TENT5C: variants seen among roughly 807,000 people sequenced by gnomAD.
The protein encoded by TENT5C is family with sequence similarity 46 member C.
TENT5C carries 5 observed loss-of-function variants against 22.2 expected under a neutral mutation model. The ratio of observed to expected loss-of-function variants is 0.22; its 90% CI spans 0.12 to 0.47. The LOEUF is 0.47. Among genes scored for constraint, TENT5C ranks in the 20% least tolerant of loss-of-function variants. The probability of loss-of-function intolerance (pLI) is 0.99; values close to 1 mark genes in which losing one functional copy is unlikely to be tolerated. For missense variants in TENT5C, 364 were observed against 500.9 expected (o/e 0.73, Z 2.61); for synonymous variants, 199 against 195.4 (o/e 1.02, Z -0.15).
rs1653868573 is a variant in TENT5C, at chr1:117,620,438, G to C, written c.-27-2404G>C. 1.3e-5 allele frequency among the ~76,000 whole-genome samples: 2 copies of C among 152,202 alleles called. 1 individual carries two copies. The highest frequency in any genetic ancestry group is 4.1e-4 in the South Asian group (2 of 4,828). ...ACAGGTGATTCACACTAGCAAGTGA[G>C]TTGTATTTCTTCAGGTAGACCAACA... On this transcript the variant is annotated intron_variant, in intron 1 of 1. Transcript: ENST00000369448.
intron 1 of TENT5C, among the ~76,000 whole-genome samples, chr1:117,614,427 G>T (rs556749124): frequency 6.6e-5 from 10 of 152,310 alleles, no homozygotes; most frequent in Admixed American, 2.6e-4. Context: ...CTACATGCAG[G>T]TGGGGGAAGT....
rs746800316 is a variant in TENT5C, at chr1:117,623,457, T to C, written c.589T>C (p.Cys197Arg). Reference protein sequence around the residue: ...ILDSLLFFYDCSNNPISEHFH... With the variant: ...ILDSLLFFYDRSNNPISEHFH... Reference sequence around the variant, plus strand: ...GGATTCTTTGCTTTTCTTCTATGACTGTTCCAATAATCCCATCTCTGAGCA... The same window carrying C: ...GGATTCTTTGCTTTTCTTCTATGACCGTTCCAATAATCCCATCTCTGAGCA... Residue 197 changes from cysteine to arginine, a missense_variant, in exon 2 of 2, where the codon TGT becomes CGT. By Grantham distance (180) the Cys-to-Arg change is radical. Transcript: ENST00000369448. 56 of 1,614,016 alleles carry C rather than the reference T, an allele frequency of 3.5e-5. 1 individual carries two copies. The South Asian group carries it at 5.8e-4, about 17-fold the overall frequency.
At chr1:117,608,201 T>G (rs1467564957) in intron 1 of TENT5C, among the ~76,000 whole-genome samples, 1 of 152,358 alleles carries the variant, frequency 6.6e-6, no homozygotes. Flanking sequence ...CGCTGTTTTT[T>G]CCACAATACC....
At chr1:117,610,568 G>A (rs571181463) in intron 1 of TENT5C, among the ~76,000 whole-genome samples, 11 of 152,198 alleles carry the variant, frequency 7.2e-5, no homozygotes, top group African/African-American at 2.2e-4. Flanking sequence ...TTACTCTGTC[G>A]CCAGGCTGGA....
At chr1:117,612,265 C>T (rs1425738074) in intron 1 of TENT5C, among the ~76,000 whole-genome samples, 1 of 151,366 alleles carries the variant, frequency 6.6e-6, no homozygotes, top group Non-Finnish European at 1.5e-5. Context: ...CAGTTATGGC[C>T]AACTTACTGA....
chr1:117,621,143 G>A (rs185304885), intron 1 of TENT5C, among the ~76,000 whole-genome samples: 67 of 152,120 alleles, frequency 4.4e-4, no homozygotes, highest in African/African-American at 1.6e-3. Context: ...ACTTTTTAAC[G>A]CTGTTCAGAG....
chr1:117,606,807 A>G (rs1653546595), intron 1 of TENT5C, among the ~76,000 whole-genome samples: 1 of 152,206 alleles, frequency 6.6e-6, no homozygotes, highest in Non-Finnish European at 1.5e-5. Flanking sequence ...TAATGCGCTC[A>G]CATCAGACTG....
rs2101082736 is a variant in TENT5C at position 117,627,608 on chromosome 1, CCTT to C, written c.*3567_*3569del. On this transcript the variant is annotated 3_prime_UTR_variant, in exon 2 of 2. Coordinates refer to ENST00000369448, the MANE Select transcript of TENT5C (RefSeq NM_017709.4). Reference sequence around the variant, plus strand: ...GACCAGGGCTCTGTGTCAGGGAAAACCTTCTGGGTGGACTTTGTAAGAATCCAG... The same window carrying C: ...GACCAGGGCTCTGTGTCAGGGAAAACCTGGGTGGACTTTGTAAGAATCCAG... 4.0e-6 allele frequency: 1 copy of C among 248,064 alleles called. No homozygotes were observed. Among genetic ancestry groups the C allele is most frequent in the African/African-American group, 2.2e-5 (1 of 45,434 alleles). The allele number at this position is 248,064 out of a possible 1,614,324, so 15.4% of individuals were successfully genotyped here.
rs1276729130 is a variant in TENT5C, at chr1:117,628,148, A to G, written c.*4104A>G. The G allele has an allele frequency of 4.0e-6, 1 of 247,970 alleles. No homozygotes were observed. The highest frequency in any genetic ancestry group is 8.5e-6 in the Non-Finnish European group (1 of 118,030). 15.4% of individuals were successfully genotyped at this position (247,970 alleles called of 1,614,324 possible). ...TAGCAACTTATTTCCAAATTAATAT[A>G]GATGAAAAATAGATACCAATTAGAC... On this transcript the variant is annotated 3_prime_UTR_variant, in exon 2 of 2. Coordinates refer to ENST00000369448, the MANE Select transcript of TENT5C (RefSeq NM_017709.4).
intron 1 of TENT5C, among the ~76,000 whole-genome samples, chr1:117,617,330 C>A (rs1285679066): frequency 2.0e-5 from 3 of 152,026 alleles, no homozygotes; most frequent in African/African-American, 7.2e-5. Flanking sequence ...CTTGGTTTAA[C>A]CTTCTGGCCT....
intron 1 of TENT5C, among the ~76,000 whole-genome samples, chr1:117,609,977 TC>T (rs1653630234): frequency 6.6e-6 from 1 of 152,048 alleles, no homozygotes; most frequent in South Asian, 2.1e-4. Flanking sequence ...CAGCTGAAAC[TC>T]CTCAAGCTGA....
chr1:117,622,348 TG>T (rs1653912033), intron 1 of TENT5C, among the ~76,000 whole-genome samples: 2 of 142,466 alleles, frequency 1.4e-5, no homozygotes, highest in Non-Finnish European at 3.0e-5. Flanking sequence ...TGTGTGTGTG[TG>T]TGTCTGTGTC....
At chr1:117,616,359 G>A (rs1219483986) in intron 1 of TENT5C, among the ~76,000 whole-genome samples, 1 of 152,206 alleles carries the variant, frequency 6.6e-6, no homozygotes, top group Non-Finnish European at 1.5e-5. Context: ...CTTGTTAAGG[G>A]AAGAAGTGGG....
Position 117,625,971 on chromosome 1 carries a change from T to C in TENT5C, c.*1927T>C, listed in dbSNP as rs1050714836. On this transcript the variant is annotated 3_prime_UTR_variant, in exon 2 of 2. Coordinates refer to ENST00000369448, the MANE Select transcript of TENT5C (RefSeq NM_017709.4). The stretch of plus-strand genomic sequence containing the variant: ...TTCTAATTGAGGGGACCCAGTGTGC[T>C]TCAGTGTTAAGAGTGGGGCAATGAA... 5.7e-5 allele frequency: 14 copies of C among 247,584 alleles called. No homozygotes were observed. The highest frequency in any genetic ancestry group is 8.5e-5 in the Non-Finnish European group (10 of 117,924). 15.3% of individuals were successfully genotyped at this position (247,584 alleles called of 1,614,324 possible).
intron 1 of TENT5C, among the ~76,000 whole-genome samples, chr1:117,608,212 T>G (rs1653586852): frequency 6.6e-6 from 1 of 152,172 alleles, no homozygotes; most frequent in South Asian, 2.1e-4. Context: ...CCACAATACC[T>G]ACCTTGTATC....
chr1:117,620,307 T>C (rs1653864960), intron 1 of TENT5C, among the ~76,000 whole-genome samples: 1 of 152,212 alleles, frequency 6.6e-6, no homozygotes, highest in African/African-American at 2.4e-5. Context: ...TTGCTGGAGA[T>C]TTTAAAAAAA....
rs1653968686 is a variant in TENT5C, at chr1:117,624,396, A to G, written c.*352A>G. On this transcript the variant is annotated 3_prime_UTR_variant, in exon 2 of 2. Transcript: ENST00000369448. ...GGGAGAATTTGGGCAGCGCGTGAGA[A>G]GTGCTAAGCTACTTGTTTTCTCACT... 1 of 288,632 alleles carries G rather than the reference A, an allele frequency of 3.5e-6. No homozygotes were observed. Among genetic ancestry groups the G allele is most frequent in the Admixed American group, 4.9e-5 (1 of 20,520 alleles). 17.9% of individuals were successfully genotyped at this position (288,632 alleles called of 1,614,324 possible).
chr1:117,628,318 A>C lies in TENT5C; in HGVS notation c.*4274A>C. The stretch of plus-strand genomic sequence containing the variant: ...ACTTGTCAATGCAAAATGTGTTAGA[A>C]CTTGATAAAGCTTTGAGTTTGAGAA... On this transcript the variant is annotated 3_prime_UTR_variant, in exon 2 of 2. Coordinates refer to ENST00000369448, the MANE Select transcript of TENT5C (RefSeq NM_017709.4). 4.1e-6 allele frequency: 1 copy of C among 246,000 alleles called. No homozygotes were observed. Among genetic ancestry groups the C allele is most frequent in the East Asian group, 6.2e-5 (1 of 16,240 alleles). The allele number at this position is 246,000 out of a possible 1,614,324, so 15.2% of individuals were successfully genotyped here. A position where few individuals can be genotyped will look rare whatever the true frequency, so the allele number is the denominator to read the frequency against.
rs555152244 is a variant in TENT5C, at chr1:117,625,105, G to GTT, written c.*1072_*1073dup. The GTT allele has an allele frequency of 4.4e-3, 980 of 220,448 alleles. 6 individuals are homozygous for GTT. The highest frequency in any genetic ancestry group is 0.019 in the South Asian group (97 of 5,064). The allele number at this position is 220,448 out of a possible 1,614,324, so 13.7% of individuals were successfully genotyped here. ...GCTATTTTTTGTTTTTGTTCTTTTCGTTTTTTTTTTTTCCAAAAATAGTGA... is the reference window on the plus strand; with the variant it reads ...GCTATTTTTTGTTTTTGTTCTTTTCGTTTTTTTTTTTTTTCCAAAAATAGTGA... On this transcript the variant is annotated 3_prime_UTR_variant, in exon 2 of 2. Coordinates refer to ENST00000369448, the MANE Select transcript of TENT5C (RefSeq NM_017709.4).
Sources: allele counts gnomAD v4.1 joint callset (sites outside exome capture counted in the v4.1 genomes callset), GRCh38; gene constraint gnomAD v4.1.1; transcripts MANE v1.5; gene names NCBI Gene and HGNC (gene_info 2026-07-23, HGNC 2026-07-21).